The following PCDHGA7 variants were observed in gnomAD, a reference collection of about 807,000 sequenced individuals.
PCDHGA7 encodes the protein protocadherin gamma-A7.
Under a neutral mutation model 58.3 loss-of-function variants are expected in PCDHGA7, and 44 were observed. The observed-to-expected ratio is 0.75, with a 90% confidence interval of 0.59 to 0.97. PCDHGA7 has a LOEUF of 0.97. Among genes scored for constraint, PCDHGA7 ranks in the 50% least tolerant of loss-of-function variants. The pLI is 0.00. For missense variants in PCDHGA7, 1,266 were observed against 1,188.7 expected, an observed-to-expected ratio of 1.06 and a Z score of -0.96; for synonymous variants, 516 against 504.2, an observed-to-expected ratio of 1.02 and a Z score of -0.31.
chr5:141,452,710 G>GAAGT (rs1343622540), intron 1 of PCDHGA7, among the ~76,000 whole-genome samples: 1 of 151,996 alleles, frequency 6.6e-6, no homozygotes, highest in Non-Finnish European at 1.5e-5. Flanking sequence ...AGAAAGGAAG[G>GAAGT]AATGAGGGAG....
chr5:141,429,389 A>T (rs6890456), intron 1 of PCDHGA7, among the ~76,000 whole-genome samples: 7,460 of 147,570 alleles, frequency 0.051, 197 homozygotes, highest in South Asian at 0.075. Flanking sequence ...TTTTTTTTTA[A>T]AAAAAATTGA....
intron 1 of PCDHGA7, chr5:141,395,139 G>C: frequency 6.2e-7 from 1 of 1,614,144 alleles, no homozygotes. Flanking sequence ...GCCCAACTAC[G>C]CAGACATGCT....
At chr5:141,422,166 T>A (rs370704205) in intron 1 of PCDHGA7, 1 of 1,569,256 alleles carries the variant, frequency 6.4e-7, no homozygotes, top group African/African-American at 1.4e-5. Context: ...TTGAAAAATA[T>A]AGATTCTATG....
Position 141,489,331 on chromosome 5 carries a change from C to G in PCDHGA7, c.2425-5476C>G. ...CTGCTGGGGCTGGGTGTCTGGGCAG[C>G]TTCGTTACTCAGTGGTGGAGGAGTC... On this transcript the variant is annotated intron_variant, in intron 1 of 3. Coordinates refer to ENST00000518325, the MANE Select transcript of PCDHGA7 (RefSeq NM_018920.4). The surrounding 1 kb of genome is among the most constrained non-coding windows in gnomAD (Gnocchi z 4.5). 1 of 1,605,478 alleles carries G rather than the reference C, an allele frequency of 6.2e-7. No homozygotes were observed. Among genetic ancestry groups the G allele is most frequent in the Non-Finnish European group, 8.5e-7 (1 of 1,174,878 alleles).
rs1032814206 is a variant in PCDHGA7, at chr5:141,472,764, T to A, written c.2425-22043T>A. Among the ~76,000 whole-genome samples, 12 of 152,040 alleles carry A rather than the reference T, an allele frequency of 7.9e-5. No individual in the cohort carries two copies. The East Asian group carries it at 2.1e-3, about 27-fold the overall frequency. ...ACTTTGGGAGGCGGAGGCTGGCAGATCACCTGAGGTTGGGAGTTCAAGATC... is the reference window on the plus strand; with the variant it reads ...ACTTTGGGAGGCGGAGGCTGGCAGAACACCTGAGGTTGGGAGTTCAAGATC... On this transcript the variant is annotated intron_variant, in intron 1 of 3. Coordinates refer to ENST00000518325, the MANE Select transcript of PCDHGA7 (RefSeq NM_018920.4).
In PCDHGA7 at chr5:141,383,870, G is replaced by A; in HGVS notation, c.971G>A (p.Gly324Asp). 1 of 1,613,960 alleles carries A rather than the reference G, an allele frequency of 6.2e-7. No homozygotes were observed. The highest frequency in any genetic ancestry group is 8.5e-7 in the Non-Finnish European group (1 of 1,179,872). ...GAAATGGAGGTTCAGGCTCAAGATG[G>A]TCCTGGTAGTCTGACAAAGGCAAAA... ...FYEMEVQAQD[G>D]PGSLTKAKVL... is the part of the protein sequence containing the mutation. The change falls in exon 1 of 4, where the codon GGT becomes GAT. Residue 324 changes from glycine (G) to aspartate (D), a missense_variant. Gly to Asp is a moderately conservative substitution (Grantham distance 94). Coordinates refer to ENST00000518325, the MANE Select transcript of PCDHGA7 (RefSeq NM_018920.4).
At chr5:141,399,019 A>AC in intron 1 of PCDHGA7, 1 of 1,613,932 alleles carries the variant, frequency 6.2e-7, no homozygotes, top group Non-Finnish European at 8.5e-7. Context: ...CGGAGAAATT[A>AC]CCACTCAAAA....
In PCDHGA7 at chr5:141,486,546, G is replaced by A. The variant is rs1156517969; in HGVS notation, c.2425-8261G>A. Reference sequence around the variant, plus strand: ...GATAATCCACCCTCTTTCTTTCAGAGGTCACATGAGGTGTTTGTTCCTGAG... The same window carrying A: ...GATAATCCACCCTCTTTCTTTCAGAAGTCACATGAGGTGTTTGTTCCTGAG... On this transcript the variant is annotated intron_variant, in intron 1 of 3. Coordinates refer to ENST00000518325, the MANE Select transcript of PCDHGA7 (RefSeq NM_018920.4). The surrounding 1 kb of genome is among the most constrained non-coding windows in gnomAD (Gnocchi z 5.0). 3 of 1,614,084 alleles carry A rather than the reference G, an allele frequency of 1.9e-6. No homozygotes were observed. The East Asian group carries it at 6.7e-5, about 36-fold the overall frequency.
rs371139792 is a variant in PCDHGA7 at position 141,490,160 on chromosome 5, C to A, written c.2425-4647C>A. On this transcript the variant is annotated intron_variant, in intron 1 of 3. Transcript: ENST00000518325. This position sits in a 1 kb window ranked among gnomAD's most constrained non-coding sequence, Gnocchi z 5.4. The stretch of plus-strand genomic sequence containing the variant: ...AGTGGGGCAATCCATGTGTTGGGTC[C>A]CATAGACTTTGAGGAGTCACGTTTC... The A allele has an allele frequency of 5.6e-6, 9 of 1,614,192 alleles. No homozygotes were observed. The highest frequency in any genetic ancestry group is 7.6e-6 in the Non-Finnish European group (9 of 1,180,016).
At chr5:141,467,285 T>G (rs6870144) in intron 1 of PCDHGA7, among the ~76,000 whole-genome samples, 42,564 of 152,010 alleles carry the variant, frequency 0.28, 6,785 homozygotes, top group African/African-American at 0.45. Context: ...ACTCTTGACC[T>G]CAAGTGATCC....
Position 141,385,205 on chromosome 5 carries a change from T to A in PCDHGA7, c.2306T>A (p.Ile769Asn). Reference sequence around the variant, plus strand: ...GCGGACTCTCGGAAGAGTCACCTGATCTTCCCCCAGCCCAACTATGTAGAC... The same window carrying A: ...GCGGACTCTCGGAAGAGTCACCTGAACTTCCCCCAGCCCAACTATGTAGAC... ...LTADSRKSHL[I>N]FPQPNYVDML... The change falls in exon 1 of 4, where the codon ATC (isoleucine) becomes AAC (asparagine). Residue 769 changes from isoleucine (I) to asparagine (N), a missense_variant. Coordinates refer to ENST00000518325, the MANE Select transcript of PCDHGA7 (RefSeq NM_018920.4). The A allele has an allele frequency of 6.2e-7, 1 of 1,614,228 alleles. No individual in the cohort carries two copies. The highest frequency in any genetic ancestry group is 8.5e-7 in the Non-Finnish European group (1 of 1,180,048).
intron 1 of PCDHGA7, chr5:141,424,694 T>C (rs2096834568): frequency 6.6e-6 from 1 of 152,252 alleles, no homozygotes; most frequent in East Asian, 1.9e-4. Flanking sequence ...TCTGGCTATT[T>C]TTTTGTTCAT....
At chr5:141,494,902 C>A (rs2099757367) in intron 2 of PCDHGA7, 37 bp downstream of exon 2, 1 of 1,614,024 alleles carries the variant, frequency 6.2e-7, no homozygotes, top group East Asian at 2.2e-5. Context: ...CTCTTCTCTG[C>A]GGCATTTTCT....
intron 1 of PCDHGA7, chr5:141,478,529 A>G: frequency 6.2e-7 from 1 of 1,609,580 alleles, no homozygotes; most frequent in Non-Finnish European, 8.5e-7. Flanking sequence ...GGGTGCAGAG[A>G]GCGCCCCTCC....
In PCDHGA7 at chr5:141,385,281, C is replaced by T. The variant is rs761366864; in HGVS notation, c.2382C>T (p.Ser794=). 3.7e-6 allele frequency: 6 copies of T among 1,613,348 alleles called. No individual in the cohort carries two copies. The highest frequency in any genetic ancestry group is 2.2e-5 in the East Asian group (1 of 44,888). Residue 794 remains serine (S), a synonymous_variant, in exon 1 of 4, where the codon TCC becomes TCT. Coordinates refer to ENST00000518325, the MANE Select transcript of PCDHGA7 (RefSeq NM_018920.4). ...SCEKNDSLLT[S]VDFQECKENL... ...AGAAAAATGATTCTTTGCTAACATC[C>T]GTAGATTTTCAGGAATGTAAAGAAA...
chr5:141,427,751 C>G (rs778043340), intron 1 of PCDHGA7: 6 of 1,306,076 alleles, frequency 4.6e-6, no homozygotes, highest in Non-Finnish European at 6.6e-6. Context: ...CCTACTCCAT[C>G]GTTACCACTG....
rs549455612 is a variant in PCDHGA7 at position 141,415,049 on chromosome 5, A to T, written c.2424+29726A>T. On this transcript the variant is annotated intron_variant, in intron 1 of 3. Transcript: ENST00000518325. Reference sequence around the variant, plus strand: ...GAGCCGGGACTCTTCGCGGTGGGGGAGCACACGGGCGAGGTGCGCACGGCG... The same window carrying T: ...GAGCCGGGACTCTTCGCGGTGGGGGTGCACACGGGCGAGGTGCGCACGGCG... 84 of 1,613,216 alleles carry T rather than the reference A, an allele frequency of 5.2e-5. 1 individual carries two copies. In the Admixed American group the frequency reaches 6.0e-4, roughly 12 times the overall value.
Position 141,489,352 on chromosome 5 carries a change from G to A in PCDHGA7, c.2425-5455G>A, listed in dbSNP as rs1336068787. 1.9e-6 allele frequency: 3 copies of A among 1,612,152 alleles called. No homozygotes were observed. In the Admixed American group the frequency reaches 5.0e-5, roughly 27 times the overall value. On this transcript the variant is annotated intron_variant, in intron 1 of 3. Transcript: ENST00000518325. The surrounding 1 kb of genome is among the most constrained non-coding windows in gnomAD (Gnocchi z 4.5). ...GCAGCTTCGTTACTCAGTGGTGGAG[G>A]AGTCTGAGCCGGGGACGCTGGTGGG...
intron 1 of PCDHGA7, among the ~76,000 whole-genome samples, chr5:141,433,789 A>G (rs1388423731): frequency 6.7e-6 from 1 of 148,972 alleles, no homozygotes; most frequent in Non-Finnish European, 1.5e-5. Flanking sequence ...ATGAGCTGAG[A>G]TTGTGCCATT....
Sources: gnomAD v4.1 joint callset for allele counts (sites outside exome capture counted in the v4.1 genomes callset) on GRCh38, gnomAD v4.1.1 for gene constraint, Gnocchi (gnomAD v3.1) non-coding constraint, MANE v1.5 for transcripts, NCBI Gene and HGNC (gene_info 2026-07-23, HGNC 2026-07-21) for gene names.